Variants in HYDIN observed in about 807,000 individuals in gnomAD.
The protein encoded by HYDIN is HYDIN axonemal central pair apparatus protein, also known as axonemal central pair apparatus protein HYDIN.
In HYDIN, 132 loss-of-function variants were observed where a neutral mutation model predicts 403.9. The observed-to-expected ratio is 0.33, with a 90% CI of 0.28 to 0.38. HYDIN has a LOEUF of 0.38. HYDIN is among the 10% of genes least tolerant of loss of function. HYDIN has a pLI of 1.00. For missense variants in HYDIN, 2,827 were observed against 5,009.5 expected (o/e 0.56, Z 13.15); for synonymous variants, 1,202 against 1,891.7 (o/e 0.64, Z 9.46).
In HYDIN at chr16:71,221,638, A is replaced by G. The variant is rs139744889; in HGVS notation, c.-24+8924T>C. 1.9e-3 allele frequency among the ~76,000 whole-genome samples: 284 copies of G among 152,346 alleles called. 5 individuals are homozygous for G. Among genetic ancestry groups the G allele is most frequent in the African/African-American group, 6.4e-3 (268 of 41,588 alleles). ...AATTCAAGAAATGAAAATTAAAATA[A>G]TAAAAATTAAAACTCAATGAATAGA... On this transcript the variant is annotated intron_variant, in intron 1 of 85. Transcript: ENST00000393567.
At chr16:71,185,126 A>T in intron 2 of HYDIN, 136 bp from the exon 3 acceptor site, 1 of 434,120 alleles carries the variant, frequency 2.3e-6, no homozygotes, top group Non-Finnish European at 3.9e-6. Flanking sequence ...TTCCCTTATA[A>T]AATATTTAAA....
chr16:71,187,002 A>G (rs2087186493), intron 1 of HYDIN, 84 bp from the exon 2 acceptor site: 2 of 856,866 alleles, frequency 2.3e-6, no homozygotes, highest in African/African-American at 3.4e-5. Flanking sequence ...TTTTTCAAAT[A>G]CAGGAAGGTT....
chr16:71,021,938 CTA>C (rs1165424768), intron 21 of HYDIN, among the ~76,000 whole-genome samples: 1 of 152,012 alleles, frequency 6.6e-6, no homozygotes, highest in Non-Finnish European at 1.5e-5. Flanking sequence ...TGGTTGTACT[CTA>C]TGAGTCTCCC....
At chr16:70,944,679 A>G (rs1184755860) in intron 41 of HYDIN, among the ~76,000 whole-genome samples, 1 of 152,206 alleles carries the variant, frequency 6.6e-6, no homozygotes, top group East Asian at 1.9e-4. Context: ...ATGGTCAGCA[A>G]TTTGTATTTT....
intron 1 of HYDIN, among the ~76,000 whole-genome samples, chr16:71,228,038 C>G (rs1332194239): frequency 6.6e-5 from 10 of 152,188 alleles, no homozygotes; most frequent in Admixed American, 6.5e-4. Context: ...TTTGACAAAC[C>G]TGACAAAAAC....
chr16:71,111,813 C>A (rs2083843323), intron 10 of HYDIN, among the ~76,000 whole-genome samples: 2 of 139,350 alleles, frequency 1.4e-5, no homozygotes, highest in African/African-American at 2.7e-5. Context: ...AATGATCAAT[C>A]TTCCAGGTCT....
intron 83 of HYDIN, among the ~76,000 whole-genome samples, chr16:70,820,278 C>G (rs1388782883): frequency 2.0e-5 from 3 of 148,176 alleles, no homozygotes; most frequent in Non-Finnish European, 3.0e-5. Context: ...GCAAGCTCCC[C>G]CTCCTGGTTT....
Position 70,955,361 on chromosome 16 carries a change from G to A in HYDIN, c.6316+14C>T, listed in dbSNP as rs1362528888. 6.4e-7 allele frequency: 1 copy of A among 1,563,034 alleles called. No individual in the cohort carries two copies. Among genetic ancestry groups the A allele is most frequent in the African/African-American group, 1.4e-5 (1 of 72,732 alleles). ...GTGACTTGACCACAAAAACCCAAGA[G>A]AATGGGCTCTTACCAGCCTCCTCTC... On this transcript the variant is annotated intron_variant, in intron 40 of 85. Transcript: ENST00000393567.
chr16:71,064,759 T>C lies in HYDIN; in HGVS notation c.2157A>G (p.Thr719=). 1.2e-6 allele frequency: 2 copies of C among 1,613,936 alleles called. No individual in the cohort carries two copies. The highest frequency in any genetic ancestry group is 1.7e-6 in the Non-Finnish European group (2 of 1,179,982). ...HCFLKYPYEK[T]LQLANQDDLP... is the part of the protein sequence containing the mutation. ...GGTCATCTTGATTGGCAAGCTGGAG[T>C]GTTTTCTCATACGGGTACTTCAGGA... The change falls in exon 16 of 86, where the codon ACA becomes ACG. Residue 719 remains threonine, a synonymous_variant. Transcript: ENST00000393567.
rs1465456516 is a variant in HYDIN, at chr16:70,850,430, G to A, written c.12651+18C>T. On this transcript the variant is annotated intron_variant, in intron 74 of 85. Transcript: ENST00000393567. ...AATGGAAGCTGAGATAGATAGCAAG[G>A]TCTTCTTACACCTTTACCTCATAGA... 8.5e-7 allele frequency: 1 copy of A among 1,178,598 alleles called. No homozygotes were observed. Among genetic ancestry groups the A allele is most frequent in the South Asian group, 1.4e-5 (1 of 70,546 alleles). 73.0% of individuals were successfully genotyped at this position (1,178,598 alleles called of 1,614,324 possible).
chr16:71,062,041 C>T (rs2082106363), intron 17 of HYDIN, 128 bp downstream of exon 17: 2 of 738,774 alleles, frequency 2.7e-6, no homozygotes, highest in Admixed American at 2.8e-5. Context: ...AGAGTAAAAA[C>T]ATAAAACCCT....
intron 77 of HYDIN, among the ~76,000 whole-genome samples, chr16:70,836,139 T>C (rs1197251882): frequency 6.6e-6 from 1 of 152,180 alleles, no homozygotes; most frequent in Non-Finnish European, 1.5e-5. Context: ...TTTCCGAAGA[T>C]GGCATGTATA....
chr16:70,829,654 C>T lies in HYDIN; in HGVS notation c.14076G>A (p.Arg4692=), dbSNP rs373978106. 9.9e-6 allele frequency: 16 copies of T among 1,613,382 alleles called. No individual in the cohort carries two copies. In the African/African-American group the frequency reaches 1.2e-4, roughly 12 times the overall value. The change falls in exon 81 of 86, where the codon AGG becomes AGA. Residue 4692 remains arginine (R), a synonymous_variant. Coordinates refer to ENST00000393567, the MANE Select transcript of HYDIN (RefSeq NM_001270974.2). ...GGTTCTCCAAGTTCATGGTGCGGGG[C>T]CTGTAGGTGATCTCATAGGGCTTGT... ...QQNKPYEITY[R]PRTMNLENRK...
chr16:71,209,915 G>A (rs2088494013), intron 1 of HYDIN, among the ~76,000 whole-genome samples: 1 of 152,186 alleles, frequency 6.6e-6, no homozygotes. Context: ...GATATTACAT[G>A]CTCATGGGTA....
intron 1 of HYDIN, among the ~76,000 whole-genome samples, chr16:71,202,627 C>T (rs1269704473): frequency 6.6e-6 from 1 of 152,092 alleles, no homozygotes; most frequent in Non-Finnish European, 1.5e-5. Flanking sequence ...GTTGTTGTAC[C>T]AGTTTTTCTA....
intron 69 of HYDIN, 111 bp from the exon 70 acceptor site, chr16:70,861,012 G>C: frequency 2.4e-6 from 2 of 819,060 alleles, no homozygotes. Flanking sequence ...TATGGGAGCA[G>C]AGGCTGGGTC....
intron 45 of HYDIN, among the ~76,000 whole-genome samples, chr16:70,928,463 A>C (rs1402844369): frequency 2.0e-5 from 3 of 152,126 alleles, no homozygotes; most frequent in African/African-American, 7.2e-5. Context: ...TGCCTAAAAA[A>C]AAAACAAAAA....
intron 12 of HYDIN, among the ~76,000 whole-genome samples, chr16:71,086,073 C>T (rs556551959): frequency 7.9e-4 from 121 of 152,258 alleles, no homozygotes; most frequent in African/African-American, 2.8e-3. Flanking sequence ...TTCTGTTCCT[C>T]TATTCCTCCA....
intron 5 of HYDIN, among the ~76,000 whole-genome samples, chr16:71,171,952 T>C (rs2086480337): frequency 6.6e-6 from 1 of 152,174 alleles, no homozygotes; most frequent in Non-Finnish European, 1.5e-5. Flanking sequence ...GTGATCCAGA[T>C]AGAACTGGGG....
Sources: gnomAD v4.1 joint callset for allele counts (sites outside exome capture counted in the v4.1 genomes callset) on GRCh38, gnomAD v4.1.1 for gene constraint, MANE v1.5 for transcripts, NCBI Gene and HGNC (gene_info 2026-07-23, HGNC 2026-07-21) for gene names.